Variants in SEL1L3 observed in about 807,000 individuals in gnomAD.
SEL1L3 encodes protein sel-1 homolog 3.
SEL1L3 carries 76 observed loss-of-function variants against 142.8 expected under a neutral mutation model. The observed-to-expected ratio is 0.53, with a 90% CI of 0.44 to 0.64. SEL1L3 has a LOEUF of 0.64. Among genes scored for constraint, SEL1L3 ranks in the 30% least tolerant of loss-of-function variants. SEL1L3 has a pLI of 0.00. For synonymous variants in SEL1L3, 504 were observed against 519.6 expected (o/e 0.97, Z 0.41); for missense variants, 1,262 against 1,381.7 (o/e 0.91, Z 1.37).
chr4:25,765,036 C>G (rs1026439680), intron 20 of SEL1L3, among the ~76,000 whole-genome samples: 1 of 152,040 alleles, frequency 6.6e-6, no homozygotes, highest in African/African-American at 2.4e-5. Context: ...GCTCTGTCAC[C>G]CAGGCTGGAG....
chr4:25,770,774 G>GA (rs1266991971), intron 17 of SEL1L3, among the ~76,000 whole-genome samples: 37 of 144,822 alleles, frequency 2.6e-4, no homozygotes, highest in South Asian at 4.5e-4. Context: ...GAAAAGAAAA[G>GA]AAAAAAAAGA....
chr4:25,796,131 C>T (rs1422092339), intron 11 of SEL1L3, among the ~76,000 whole-genome samples: 3 of 152,210 alleles, frequency 2.0e-5, no homozygotes, highest in African/African-American at 4.8e-5. Context: ...GAGCAAGTCA[C>T]AGGAGGCCCA....
chr4:25,784,172 G>A, intron 14 of SEL1L3, 56 bp downstream of exon 14: 2 of 1,364,764 alleles, frequency 1.5e-6, no homozygotes, highest in East Asian at 2.3e-5. Context: ...AGACGTGCGA[G>A]AGCGTGTGGG....
At chr4:25,783,438 C>T (rs967984317) in intron 14 of SEL1L3, among the ~76,000 whole-genome samples, 87 of 152,348 alleles carry the variant, frequency 5.7e-4, no homozygotes, top group African/African-American at 1.7e-3. Context: ...TTTTAGGAGT[C>T]TTCATCGTTA....
At chr4:25,777,930 G>C (rs983951115) in intron 16 of SEL1L3, 1 of 451,794 alleles carries the variant, frequency 2.2e-6, no homozygotes, top group East Asian at 7.0e-5. Context: ...AAGCTTTGTG[G>C]GCCACATATA....
chr4:25,717,057 T>A, the SEL1L3 span, among the ~76,000 whole-genome samples: 1 of 149,312 alleles, frequency 6.7e-6, no homozygotes, highest in South Asian at 2.1e-4. Context: ...AACCCAGGAG[T>A]CAGAGGTTGC....
chr4:25,860,368 C>G (rs140974462), intron 1 of SEL1L3, among the ~76,000 whole-genome samples: 21 of 152,330 alleles, frequency 1.4e-4, no homozygotes, highest in Admixed American at 2.6e-4. Flanking sequence ...CCACTTCCTC[C>G]AGGTAGCATT....
At chr4:25,732,559 G>A in the SEL1L3 span, among the ~76,000 whole-genome samples, 1 of 152,080 alleles carries the variant, frequency 6.6e-6, no homozygotes, top group Admixed American at 6.6e-5. Flanking sequence ...TCTCAATGAG[G>A]TTTTAATTTT....
chr4:25,831,858 C>T (rs563775953), intron 5 of SEL1L3, among the ~76,000 whole-genome samples: 2 of 152,236 alleles, frequency 1.3e-5, no homozygotes, highest in African/African-American at 2.4e-5. Context: ...CAGTCCTTTA[C>T]CTGCTTAATG....
intron 17 of SEL1L3, among the ~76,000 whole-genome samples, chr4:25,775,688 T>C (rs1246571587): frequency 6.6e-6 from 1 of 152,230 alleles, no homozygotes; most frequent in Non-Finnish European, 1.5e-5. Flanking sequence ...TTGTGGGTCC[T>C]CATACACCAT....
chr4:25,829,996 A>C, intron 6 of SEL1L3, 102 bp downstream of exon 6: 1 of 747,054 alleles, frequency 1.3e-6, no homozygotes, highest in African/African-American at 1.8e-5. Flanking sequence ...GGAAAAGCTG[A>C]ATGAAGAGAT....
intron 2 of SEL1L3, among the ~76,000 whole-genome samples, chr4:25,842,665 G>T (rs976752247): frequency 1.3e-5 from 2 of 152,178 alleles, no homozygotes; most frequent in African/African-American, 4.8e-5. Flanking sequence ...GCCCTGCAAG[G>T]GTATCAGTGT....
downstream of SEL1L3, among the ~76,000 whole-genome samples, chr4:25,742,925 T>C (rs1335307723): frequency 6.6e-6 from 1 of 152,146 alleles, no homozygotes; most frequent in Non-Finnish European, 1.5e-5. Flanking sequence ...AAGCAGTAAA[T>C]GAATTTGGAG....
intron 2 of SEL1L3, among the ~76,000 whole-genome samples, chr4:25,842,205 A>T (rs1193057028): frequency 1.3e-5 from 2 of 151,794 alleles, no homozygotes; most frequent in Non-Finnish European, 2.9e-5. Flanking sequence ...CAGCATTCTG[A>T]TGGCCAGCAT....
intron 12 of SEL1L3, among the ~76,000 whole-genome samples, chr4:25,790,070 C>T (rs965402963): frequency 2.0e-5 from 3 of 152,142 alleles, no homozygotes; most frequent in African/African-American, 4.8e-5. Context: ...CATCAGTGCA[C>T]CTGATGGTAC....
intron 23 of SEL1L3, 113 bp from the exon 24 acceptor site, chr4:25,748,677 C>A: frequency 9.0e-7 from 1 of 1,109,880 alleles, no homozygotes; most frequent in South Asian, 1.7e-5. Flanking sequence ...GTCTAATGAA[C>A]CTGACACTAA....
intron 17 of SEL1L3, chr4:25,770,418 T>C (rs1719076117): frequency 6.6e-6 from 1 of 152,096 alleles, no homozygotes; most frequent in Non-Finnish European, 1.5e-5. Context: ...TAAAAAGGCA[T>C]GTGAGATCCA....
At chr4:25,722,639 T>TTTTTTTTTTTTTTTTG in the SEL1L3 span, among the ~76,000 whole-genome samples, 1 of 150,194 alleles carries the variant, frequency 6.7e-6, no homozygotes, top group African/African-American at 2.5e-5. Context: ...TTTTTTTTTT[T>TTTTTTTTTTTTTTTTG]AGAGATAGGG....
intron 6 of SEL1L3, among the ~76,000 whole-genome samples, chr4:25,826,069 G>T (rs964888645): frequency 6.6e-6 from 1 of 152,074 alleles, no homozygotes; most frequent in African/African-American, 2.4e-5. Context: ...ATTTATTTGT[G>T]AATTTGTTTT....
Sources: gnomAD v4.1 joint callset for allele counts (sites outside exome capture counted in the v4.1 genomes callset) on GRCh38, gnomAD v4.1.1 for gene constraint, MANE v1.5 for transcripts, NCBI Gene and HGNC (gene_info 2026-07-23, HGNC 2026-07-21) for gene names.